Variants in MTHFD1 observed in about 807,000 individuals in gnomAD.
The protein encoded by MTHFD1 is methylenetetrahydrofolate dehydrogenase, cyclohydrolase and formyltetrahydrofolate synthetase 1, also known as C-1-tetrahydrofolate synthase, cytoplasmic.
MTHFD1 carries 44 observed loss-of-function variants against 110.3 expected under a neutral mutation model. That is an observed-to-expected ratio of 0.40 (90% CI 0.31 to 0.51). The LOEUF (loss-of-function observed/expected upper bound fraction) is 0.51. Ranked by LOEUF, MTHFD1 falls within the 20% of genes least tolerant of loss-of-function variation. The probability of loss-of-function intolerance (pLI) is 0.60; values close to 1 mark genes in which losing one functional copy is unlikely to be tolerated. For missense variants in MTHFD1, 909 were observed against 1,173.1 expected, an observed-to-expected ratio of 0.77 and a Z score of 3.29; for synonymous variants, 402 against 428.8, an observed-to-expected ratio of 0.94 and a Z score of 0.77.
chr14:64,390,430 T>G (rs2077795283), intron 1 of MTHFD1: 1 of 152,002 alleles, frequency 6.6e-6, no homozygotes, highest in Admixed American at 6.6e-5. Context: ...ATACAAGCAA[T>G]TCTCTCATAT....
At chr14:64,448,069 C>T (rs934396276) in intron 22 of MTHFD1, 148 bp from the exon 23 acceptor site, 9 of 691,988 alleles carry the variant, frequency 1.3e-5, no homozygotes, top group Non-Finnish European at 2.1e-5. Context: ...GGAAAAAATG[C>T]ACCAAGGGAC....
chr14:64,413,977 G>A (rs2078005331), intron 4 of MTHFD1, among the ~76,000 whole-genome samples: 1 of 152,138 alleles, frequency 6.6e-6, no homozygotes, highest in Non-Finnish European at 1.5e-5. Flanking sequence ...CTATAGGCAT[G>A]AGCCACCATG....
In MTHFD1 at chr14:64,454,711, T is replaced by G. The variant is rs754652795; in HGVS notation, c.2566-12T>G. ...TTTCATTTGTCCTCCCTCTCTTCCCTTCTTTCCCCAGGGCTTTGGGAATCT... is the reference window on the plus strand; with the variant it reads ...TTTCATTTGTCCTCCCTCTCTTCCCGTCTTTCCCCAGGGCTTTGGGAATCT... On this transcript the variant is annotated splice_polypyrimidine_tract_variant and intron_variant, in intron 25 of 27. Coordinates refer to ENST00000652337, the MANE Select transcript of MTHFD1 (RefSeq NM_005956.4). 1 of 1,611,626 alleles carries G rather than the reference T, an allele frequency of 6.2e-7. No individual in the cohort carries two copies. The highest frequency in any genetic ancestry group is 1.1e-5 in the South Asian group (1 of 91,028).
At chr14:64,393,861 A>T (rs2077826442) in intron 1 of MTHFD1, among the ~76,000 whole-genome samples, 1 of 151,892 alleles carries the variant, frequency 6.6e-6, no homozygotes, top group East Asian at 1.9e-4. Context: ...CCTCTAATTG[A>T]CTCAGTAGAG....
chr14:64,410,409 G>A (rs1020823319), intron 2 of MTHFD1, among the ~76,000 whole-genome samples: 819 of 7,298 alleles, frequency 0.11, 8 homozygotes, highest in African/African-American at 0.25. Context: ...TGTAAAGATG[G>A]GGGGGGGGGT....
intron 2 of MTHFD1, among the ~76,000 whole-genome samples, chr14:64,401,190 G>A (rs1038040691): frequency 2.0e-5 from 3 of 151,732 alleles, no homozygotes; most frequent in Non-Finnish European, 4.4e-5. Context: ...GAGAGACAAG[G>A]TCTTACTCTG....
At chr14:64,400,593 C>T (rs758490302) in intron 1 of MTHFD1, among the ~76,000 whole-genome samples, 200 bp from the exon 2 acceptor site, 3 of 152,106 alleles carry the variant, frequency 2.0e-5, no homozygotes, top group South Asian at 2.1e-4. Flanking sequence ...GAGGCTGGGG[C>T]GAAAGGATCG....
intron 27 of MTHFD1, among the ~76,000 whole-genome samples, chr14:64,458,990 G>A (rs1423668747): frequency 2.6e-5 from 4 of 152,184 alleles, no homozygotes; most frequent in East Asian, 3.9e-4. Context: ...CTCCAGAGAC[G>A]AAAAAAGTGG....
At chr14:64,427,891 G>A (rs541254597) in intron 12 of MTHFD1, among the ~76,000 whole-genome samples, 2 of 152,170 alleles carry the variant, frequency 1.3e-5, no homozygotes, top group South Asian at 4.1e-4. Flanking sequence ...ATATTGTGCT[G>A]AGCAGTTTTT....
At chr14:64,416,689 G>C (rs2078028948) in intron 6 of MTHFD1, among the ~76,000 whole-genome samples, 1 of 152,154 alleles carries the variant, frequency 6.6e-6, no homozygotes, top group African/African-American at 2.4e-5. Flanking sequence ...GGCAAGAAAA[G>C]GTCAAAGGTC....
intron 16 of MTHFD1, among the ~76,000 whole-genome samples, 159 bp downstream of exon 16, chr14:64,435,830 C>A (rs924224304): frequency 3.9e-5 from 6 of 152,166 alleles, no homozygotes; most frequent in Non-Finnish European, 7.3e-5. Context: ...TTTCTTGCCA[C>A]CTCTCTCAGT....
chr14:64,430,359 C>G, intron 13 of MTHFD1, 129 bp downstream of exon 13: 1 of 866,348 alleles, frequency 1.2e-6, no homozygotes, highest in Non-Finnish European at 1.9e-6. Context: ...AGTGCAATGG[C>G]GCAATCTCGG....
chr14:64,389,177 GT>G (rs1485489731), intron 1 of MTHFD1: 1 of 152,254 alleles, frequency 6.6e-6, no homozygotes, highest in African/African-American at 2.4e-5. Context: ...GCTGCTTTTT[GT>G]CTGGGAGGTG....
At chr14:64,397,172 TATATATATATATATATATAAAA>T (rs1217935450) in intron 1 of MTHFD1, among the ~76,000 whole-genome samples, 5 of 22,236 alleles carry the variant, frequency 2.2e-4, no homozygotes, top group Non-Finnish European at 3.8e-4. Flanking sequence ...TATATATATA[TATATATATATATATATATAAAA>T]AACAGTAATC....
chr14:64,424,062 C>G (rs1481612670), intron 8 of MTHFD1, among the ~76,000 whole-genome samples: 1 of 152,104 alleles, frequency 6.6e-6, no homozygotes, highest in East Asian at 1.9e-4. Context: ...GCGATCTGAT[C>G]AGAGAGAAGT....
At chr14:64,441,755 A>G (rs2078251099) in intron 19 of MTHFD1, 2 of 552,654 alleles carry the variant, frequency 3.6e-6, no homozygotes, top group Non-Finnish European at 3.2e-6. Context: ...GTGAGCCGAG[A>G]TCACGCCACT....
At chr14:64,427,549 A>G in intron 12 of MTHFD1, 76 bp downstream of exon 12, 1 of 1,404,400 alleles carries the variant, frequency 7.1e-7, no homozygotes, top group Non-Finnish European at 1.0e-6. Flanking sequence ...CACGCAACCT[A>G]TGATACTTAT....
At chr14:64,459,673 A>G in intron 27 of MTHFD1, 86 bp from the exon 28 acceptor site, 2 of 1,148,446 alleles carry the variant, frequency 1.7e-6, no homozygotes. Context: ...TGGCAATGTG[A>G]GTGGGTAATG....
intron 1 of MTHFD1, among the ~76,000 whole-genome samples, chr14:64,399,186 G>A (rs1223238498): frequency 6.6e-6 from 1 of 152,174 alleles, no homozygotes; most frequent in Non-Finnish European, 1.5e-5. Flanking sequence ...GTTTGTTCCT[G>A]TAAAATTTTT....
Sources: gnomAD v4.1 joint callset for allele counts (sites outside exome capture counted in the v4.1 genomes callset) on GRCh38, gnomAD v4.1.1 for gene constraint, MANE v1.5 for transcripts, NCBI Gene and HGNC (gene_info 2026-07-23, HGNC 2026-07-21) for gene names.